Variants in FOXP1 observed in about 807,000 individuals in gnomAD.
FOXP1 encodes forkhead box P1, also known as forkhead box protein P1.
In FOXP1, 15 loss-of-function variants were observed where a neutral mutation model predicts 98.2. That is an observed-to-expected ratio of 0.15 (90% CI 0.10 to 0.24). The LOEUF (loss-of-function observed/expected upper bound fraction) is 0.24. Ranked by LOEUF, FOXP1 falls within the 10% of genes least tolerant of loss-of-function variation. FOXP1 has a pLI of 1.00. For synonymous variants in FOXP1, 371 were observed against 314.5 expected, an observed-to-expected ratio of 1.18 and a Z score of -1.90; for missense variants, 633 against 848.5, an observed-to-expected ratio of 0.75 and a Z score of 3.15.
intron 7 of FOXP1, among the ~76,000 whole-genome samples, chr3:71,068,589 A>G (rs1243290901): frequency 6.6e-6 from 1 of 152,232 alleles, no homozygotes; most frequent in Non-Finnish European, 1.5e-5. Flanking sequence ...CTGTGTGATC[A>G]GAGGCCAAAA....
At chr3:70,997,349 A>G (rs1474152014) in intron 13 of FOXP1, among the ~76,000 whole-genome samples, 2 of 152,234 alleles carry the variant, frequency 1.3e-5, no homozygotes, top group Non-Finnish European at 2.9e-5. Flanking sequence ...GGCAAATGCA[A>G]CAGCACAAAC....
At chr3:71,152,597 A>G (rs749452505) in intron 6 of FOXP1, among the ~76,000 whole-genome samples, 25 of 152,142 alleles carry the variant, frequency 1.6e-4, no homozygotes, top group Non-Finnish European at 2.9e-4. Flanking sequence ...ACCCCCACAC[A>G]GACCTGCTCC....
chr3:71,192,092 C>T lies in FOXP1; in HGVS notation c.180+6110G>A, dbSNP rs538075211. On this transcript the variant is annotated intron_variant, in intron 6 of 20. Coordinates refer to ENST00000649528, the MANE Select transcript of FOXP1 (RefSeq NM_001349338.3). ...CTTCTATGCCCCCTTTCTGGAAGTT[C>T]CCCTTCTAGGACACAGAGGTGCTGA... Among the ~76,000 whole-genome samples, 4 of 152,148 alleles carry T rather than the reference C, an allele frequency of 2.6e-5. No homozygotes were observed. The South Asian group carries it at 8.3e-4, about 32-fold the overall frequency.
At chr3:71,525,838 G>A (rs1457988349) in intron 2 of FOXP1, among the ~76,000 whole-genome samples, 2 of 151,928 alleles carry the variant, frequency 1.3e-5, no homozygotes, top group East Asian at 1.9e-4. Flanking sequence ...AGTACTGGCC[G>A]GGTGCAGTGG....
chr3:71,128,655 C>T (rs2059381809), intron 6 of FOXP1, among the ~76,000 whole-genome samples: 2 of 152,136 alleles, frequency 1.3e-5, no homozygotes, highest in South Asian at 4.1e-4. Flanking sequence ...GTAAGAGTCA[C>T]TGGTTTGTCC....
chr3:71,486,282 AAAGT>A (rs2090642939), intron 3 of FOXP1, among the ~76,000 whole-genome samples: 1 of 152,042 alleles, frequency 6.6e-6, no homozygotes, highest in South Asian at 2.1e-4. Context: ...CAACATAGGA[AAAGT>A]AAGTGCCTGA....
At chr3:71,281,626 G>GT (rs1169755437) in intron 5 of FOXP1, among the ~76,000 whole-genome samples, 1 of 152,196 alleles carries the variant, frequency 6.6e-6, no homozygotes, top group East Asian at 1.9e-4. Flanking sequence ...GTCTCTACTT[G>GT]TAAGTTCTAA....
intron 7 of FOXP1, among the ~76,000 whole-genome samples, chr3:71,089,094 C>T (rs2055494395): frequency 6.6e-6 from 1 of 152,172 alleles, no homozygotes; most frequent in Admixed American, 6.5e-5. Context: ...ATCAGTGGCA[C>T]CCAACCTCCG....
chr3:71,084,416 G>C (rs1182624399), intron 7 of FOXP1, among the ~76,000 whole-genome samples: 1 of 151,104 alleles, frequency 6.6e-6, no homozygotes, highest in African/African-American at 2.4e-5. Flanking sequence ...CCATGGGTTT[G>C]TTTCTCATTT....
At chr3:71,348,198 G>C (rs1025881005) in intron 4 of FOXP1, among the ~76,000 whole-genome samples, 4 of 152,082 alleles carry the variant, frequency 2.6e-5, no homozygotes, top group African/African-American at 7.2e-5. Context: ...TGAAATCACA[G>C]AAAGTGAAAC....
At chr3:71,497,118 T>C (rs888598436) in intron 2 of FOXP1, among the ~76,000 whole-genome samples, 1 of 151,386 alleles carries the variant, frequency 6.6e-6, no homozygotes, top group Admixed American at 6.6e-5. Context: ...TACCAGAAGA[T>C]AGATACCCAA....
intron 3 of FOXP1, among the ~76,000 whole-genome samples, chr3:71,368,051 A>G (rs1045034549): frequency 3.3e-5 from 5 of 152,252 alleles, no homozygotes; most frequent in African/African-American, 9.6e-5. Flanking sequence ...TGGACCCTCG[A>G]CAAATTACCC....
At chr3:71,221,953 G>C (rs981962377) in intron 5 of FOXP1, among the ~76,000 whole-genome samples, 9 of 152,166 alleles carry the variant, frequency 5.9e-5, no homozygotes, top group African/African-American at 1.7e-4. Context: ...AAGAGATCGA[G>C]ACCATCCTGG....
intron 2 of FOXP1, among the ~76,000 whole-genome samples, chr3:71,531,327 C>T (rs1482522604): frequency 6.6e-6 from 1 of 152,122 alleles, no homozygotes; most frequent in African/African-American, 2.4e-5. Flanking sequence ...GGCAGCTGCC[C>T]GGCAGCAGCT....
chr3:71,071,186 G>A (rs143312535), intron 7 of FOXP1, among the ~76,000 whole-genome samples: 1 of 152,296 alleles, frequency 6.6e-6, no homozygotes, highest in African/African-American at 2.4e-5. Flanking sequence ...TGTAAGGCCA[G>A]TTCTAGTGGG....
At chr3:71,555,645 T>A (rs1012960798) in intron 2 of FOXP1, among the ~76,000 whole-genome samples, 6 of 152,218 alleles carry the variant, frequency 3.9e-5, no homozygotes, top group Non-Finnish European at 8.8e-5. Flanking sequence ...TGCCTTTAGA[T>A]GTTTACAGTG....
At chr3:71,053,913 C>A (rs941121519) in intron 7 of FOXP1, 140 bp from the exon 8 acceptor site, 19 of 853,722 alleles carry the variant, frequency 2.2e-5, no homozygotes, top group Non-Finnish European at 3.3e-5. Context: ...AGAGGGGATG[C>A]AGCAACAGAT....
At chr3:71,441,860 G>C (rs527249264) in intron 3 of FOXP1, among the ~76,000 whole-genome samples, 1 of 152,296 alleles carries the variant, frequency 6.6e-6, no homozygotes, top group South Asian at 2.1e-4. Flanking sequence ...CACTCAGACT[G>C]CAGAAGAATG....
chr3:71,583,461 CTTTCTTTT>C, intron 1 of FOXP1, 102 bp downstream of exon 1: 1 of 923,176 alleles, frequency 1.1e-6, no homozygotes, highest in South Asian at 5.1e-5. Context: ...CTTTTTCTTT[CTTTCTTTT>C]TTTTTTTTTG....
Sources: allele counts gnomAD v4.1 joint callset (sites outside exome capture counted in the v4.1 genomes callset), GRCh38; gene constraint gnomAD v4.1.1; transcripts MANE v1.5; gene names NCBI Gene and HGNC (gene_info 2026-07-23, HGNC 2026-07-21).